Variants in RIMS2 observed in about 807,000 individuals in gnomAD.
RIMS2 encodes the protein regulating synaptic membrane exocytosis 2, also known as regulating synaptic membrane exocytosis protein 2.
Under a neutral mutation model 174.4 loss-of-function variants are expected in RIMS2, and 59 were observed. That is an observed-to-expected ratio of 0.34 (90% CI 0.27 to 0.42). The LOEUF is 0.42. Ranked by LOEUF, RIMS2 falls within the 10% of genes least tolerant of loss-of-function variation. RIMS2 has a pLI of 1.00. For missense variants in RIMS2, 1,620 were observed against 1,666.3 expected, an observed-to-expected ratio of 0.97 and a Z score of 0.48; for synonymous variants, 606 against 572.5, an observed-to-expected ratio of 1.06 and a Z score of -0.84.
intron 19 of RIMS2, among the ~76,000 whole-genome samples, chr8:104,101,308 G>T (rs2097895353): frequency 6.6e-6 from 1 of 151,434 alleles, no homozygotes; most frequent in African/African-American, 2.4e-5. Flanking sequence ...TATATTTTTA[G>T]TAGAGACAGC....
chr8:103,543,345 G>A (rs1401139942), intron 1 of RIMS2, among the ~76,000 whole-genome samples: 2 of 152,080 alleles, frequency 1.3e-5, no homozygotes, highest in Admixed American at 1.3e-4. Context: ...ATAAAACATT[G>A]ATGAAAGAAA....
At chr8:103,500,888 T>G in exon 1 of RIMS2, 5 of 1,592,166 alleles carry the variant, frequency 3.1e-6, no homozygotes, top group Non-Finnish European at 4.3e-6. Context: ...CCACCAAACA[T>G]GTCGGCTCCT....
At chr8:104,064,318 T>C (rs1401854994) in intron 19 of RIMS2, among the ~76,000 whole-genome samples, 2 of 152,180 alleles carry the variant, frequency 1.3e-5, no homozygotes, top group Non-Finnish European at 2.9e-5. Context: ...GGATTTTTTT[T>C]CGTCAGTGGC....
At chr8:103,541,968 A>C (rs1359935492) in intron 1 of RIMS2, among the ~76,000 whole-genome samples, 1 of 152,150 alleles carries the variant, frequency 6.6e-6, no homozygotes, top group Non-Finnish European at 1.5e-5. Context: ...TAAGGAATCA[A>C]AGCACACCAC....
In RIMS2 at chr8:104,211,361, A is replaced by G. The variant is rs767275299; in HGVS notation, c.3335-33555A>G. On this transcript the variant is annotated intron_variant, in intron 19 of 23. Coordinates refer to ENST00000504942, the Ensembl canonical transcript of RIMS2. The stretch of plus-strand genomic sequence containing the variant: ...AGGAATGGGAAGTAAACCAATAACA[A>G]AAGATCATGAAGCAGAAAATAATTT... 2.0e-5 allele frequency among the ~76,000 whole-genome samples: 3 copies of G among 152,234 alleles called. 1 individual carries two copies. Among genetic ancestry groups the G allele is most frequent in the Admixed American group, 6.5e-5 (1 of 15,288 alleles).
chr8:103,889,874 A>C (rs560330394), intron 4 of RIMS2, among the ~76,000 whole-genome samples: 1 of 152,048 alleles, frequency 6.6e-6, no homozygotes, highest in African/African-American at 2.4e-5. Context: ...TGTAACAAAA[A>C]CAGAGAGGTT....
intron 12 of RIMS2, among the ~76,000 whole-genome samples, chr8:103,933,703 T>G (rs1012290390): frequency 5.3e-5 from 8 of 152,170 alleles, no homozygotes; most frequent in African/African-American, 1.9e-4. Context: ...ATTGATTAGG[T>G]TGTGTCAAGG....
intron 1 of RIMS2, among the ~76,000 whole-genome samples, chr8:103,602,380 G>T (rs1349755920): frequency 1.3e-4 from 20 of 152,080 alleles, no homozygotes; most frequent in Admixed American, 6.6e-5. Context: ...GGGGTTTGTT[G>T]TACAGATTAT....
intron 19 of RIMS2, among the ~76,000 whole-genome samples, chr8:104,190,504 G>A (rs1047221303): frequency 4.6e-5 from 7 of 151,916 alleles, no homozygotes; most frequent in East Asian, 1.9e-4. Context: ...AGAAAGTTCC[G>A]GTGTCTTGCC....
chr8:104,103,710 A>G (rs555466798), intron 19 of RIMS2, among the ~76,000 whole-genome samples: 3 of 152,218 alleles, frequency 2.0e-5, no homozygotes, highest in African/African-American at 7.2e-5. Context: ...TTACTGTCCA[A>G]AATTTATTCT....
chr8:104,194,321 C>G (rs763750330), intron 19 of RIMS2, among the ~76,000 whole-genome samples: 18 of 152,074 alleles, frequency 1.2e-4, no homozygotes, highest in Non-Finnish European at 2.2e-4. Context: ...TTTGATATTA[C>G]AAATATTATT....
intron 10 of RIMS2, among the ~76,000 whole-genome samples, chr8:103,922,516 T>C (rs1490610843): frequency 6.6e-6 from 1 of 151,946 alleles, no homozygotes; most frequent in Non-Finnish European, 1.5e-5. Context: ...TTTATTGTTA[T>C]ATATTAGAAA....
At chr8:104,182,081 TATA>T (rs2098943403) in intron 19 of RIMS2, among the ~76,000 whole-genome samples, 1 of 151,808 alleles carries the variant, frequency 6.6e-6, no homozygotes, top group Non-Finnish European at 1.5e-5. Context: ...ATTTGAAAGT[TATA>T]ATATTTGCCC....
chr8:103,734,039 T>TTTTTTTTTTC (rs2097649680), intron 2 of RIMS2, among the ~76,000 whole-genome samples: 1 of 106,170 alleles, frequency 9.4e-6, no homozygotes, highest in African/African-American at 3.8e-5. Context: ...TTTTTTTTTT[T>TTTTTTTTTTC]CCCAGACGGA....
intron 17 of RIMS2, among the ~76,000 whole-genome samples, chr8:104,010,292 G>C (rs957381108): frequency 2.0e-5 from 3 of 152,108 alleles, no homozygotes; most frequent in Non-Finnish European, 2.9e-5. Flanking sequence ...AACTTTGCTG[G>C]ATGATTATAA....
intron 17 of RIMS2, among the ~76,000 whole-genome samples, chr8:104,006,531 C>A (rs896062069): frequency 6.6e-6 from 1 of 151,844 alleles, no homozygotes; most frequent in Non-Finnish European, 1.5e-5. Context: ...GCCTGGGCAA[C>A]AAGAGCAAAA....
chr8:103,713,407 C>T (rs748688255), intron 2 of RIMS2, among the ~76,000 whole-genome samples: 4 of 145,154 alleles, frequency 2.8e-5, no homozygotes, highest in Non-Finnish European at 4.6e-5. Context: ...CTATGTATTT[C>T]CTATTGCTGG....
At chr8:104,183,389 T>A (rs944477898) in intron 19 of RIMS2, among the ~76,000 whole-genome samples, 3 of 151,732 alleles carry the variant, frequency 2.0e-5, no homozygotes, top group African/African-American at 7.2e-5. Flanking sequence ...TTTTCCATTT[T>A]TCTTTATTAC....
At chr8:104,195,597 C>T (rs1369037074) in intron 19 of RIMS2, among the ~76,000 whole-genome samples, 1 of 150,850 alleles carries the variant, frequency 6.6e-6, no homozygotes, top group Non-Finnish European at 1.5e-5. Flanking sequence ...TCACTGCAAC[C>T]TCCGCCTCCT....
Sources: gnomAD v4.1 joint callset for allele counts (sites outside exome capture counted in the v4.1 genomes callset) on GRCh38, gnomAD v4.1.1 for gene constraint, MANE v1.5 for transcripts, NCBI Gene and HGNC (gene_info 2026-07-23, HGNC 2026-07-21) for gene names.